Variants in NPHP1 observed in about 807,000 individuals in gnomAD.
NPHP1 encodes the protein nephrocystin 1.
Under a neutral mutation model 90.4 loss-of-function variants are expected in NPHP1, and 70 were observed. The ratio of observed to expected loss-of-function variants is 0.77; its 90% CI spans 0.64 to 0.95. NPHP1 has a LOEUF of 0.95. NPHP1 is among the 40% of genes least tolerant of loss of function. The pLI, the probability that NPHP1 is intolerant of heterozygous loss-of-function variation, is 0.00. For missense variants in NPHP1, 764 were observed against 795.9 expected (o/e 0.96, Z 0.48); for synonymous variants, 256 against 271.7 (o/e 0.94, Z 0.57).
At chr2:110,136,205 C>G (rs1051927499) in intron 16 of NPHP1, among the ~76,000 whole-genome samples, 1 of 152,110 alleles carries the variant, frequency 6.6e-6, no homozygotes, top group Non-Finnish European at 1.5e-5. Context: ...GACAAACGCA[C>G]AGCCAATATC....
intron 2 of NPHP1, among the ~76,000 whole-genome samples, chr2:110,186,568 C>T (rs1054986749): frequency 1.1e-4 from 17 of 152,232 alleles, no homozygotes; most frequent in Middle Eastern, 3.4e-3. Flanking sequence ...CTGTCTTCAC[C>T]GGCACCCTCA....
At chr2:110,153,582 T>C (rs1314931276) in intron 11 of NPHP1, among the ~76,000 whole-genome samples, 1 of 152,148 alleles carries the variant, frequency 6.6e-6, no homozygotes, top group African/African-American at 2.4e-5. Context: ...TAGACTGTGG[T>C]AAGCTATGCA....
chr2:110,192,829 C>T (rs949315770), intron 2 of NPHP1, among the ~76,000 whole-genome samples: 2 of 152,158 alleles, frequency 1.3e-5, no homozygotes, highest in African/African-American at 4.8e-5. Flanking sequence ...CTCTACAAGC[C>T]AGAAGAGAAT....
intron 14 of NPHP1, 37 bp from the exon 15 acceptor site, chr2:110,144,606 G>T (rs772102769): frequency 7.8e-7 from 1 of 1,289,652 alleles, no homozygotes; most frequent in Non-Finnish European, 1.1e-6. Flanking sequence ...GATATAAGCT[G>T]TGGGCATGTA....
At chr2:110,179,574 A>G (rs1683743259) in intron 3 of NPHP1, 50 bp downstream of exon 3, 1 of 889,306 alleles carries the variant, frequency 1.1e-6, no homozygotes, top group Non-Finnish European at 1.9e-6. Flanking sequence ...TAATAAAAAT[A>G]CTTGTATAGG....
chr2:110,200,773 C>G (rs1408762268), intron 2 of NPHP1, among the ~76,000 whole-genome samples: 1 of 152,070 alleles, frequency 6.6e-6, no homozygotes, highest in Non-Finnish European at 1.5e-5. Context: ...AAATTAAATT[C>G]ATTTGACATT....
intron 16 of NPHP1, among the ~76,000 whole-genome samples, chr2:110,139,159 A>G (rs1680443532): frequency 6.6e-6 from 1 of 151,868 alleles, no homozygotes; most frequent in Non-Finnish European, 1.5e-5. Flanking sequence ...AGGAGAAAAA[A>G]GATGGAATGC....
chr2:110,161,116 T>C (rs1313480588), intron 10 of NPHP1, among the ~76,000 whole-genome samples: 1 of 152,096 alleles, frequency 6.6e-6, no homozygotes, highest in African/African-American at 2.4e-5. Context: ...CAGTGAGCCA[T>C]GATCACACCA....
chr2:110,145,261 GAGGC>G (rs1239662971), intron 14 of NPHP1, among the ~76,000 whole-genome samples: 3 of 152,250 alleles, frequency 2.0e-5, no homozygotes, highest in African/African-American at 7.2e-5. Flanking sequence ...CTGCTCCTCA[GAGGC>G]AACTTCTGGG....
At chr2:110,156,599 C>G (rs1421109700) in intron 11 of NPHP1, among the ~76,000 whole-genome samples, 1 of 152,086 alleles carries the variant, frequency 6.6e-6, no homozygotes, top group Non-Finnish European at 1.5e-5. Context: ...CTGCCTGCTT[C>G]TGAATGCTCT....
At chr2:110,125,234 A>C in intron 19 of NPHP1, 2 of 1,535,748 alleles carry the variant, frequency 1.3e-6, no homozygotes, top group Non-Finnish European at 1.7e-6. Flanking sequence ...TTTTATAGCA[A>C]GGTAAGCAGG....
At chr2:110,193,078 C>A (rs572567556) in intron 2 of NPHP1, among the ~76,000 whole-genome samples, 8 of 152,252 alleles carry the variant, frequency 5.3e-5, no homozygotes, top group African/African-American at 1.9e-4. Flanking sequence ...ACCATCGAGG[C>A]TAGGAAGAAA....
chr2:110,182,800 C>A (rs1288557285), intron 2 of NPHP1, among the ~76,000 whole-genome samples: 3 of 152,046 alleles, frequency 2.0e-5, no homozygotes, highest in African/African-American at 7.2e-5. Context: ...ACAATACTAA[C>A]CTTAAATGTA....
chr2:110,126,724 T>C (rs1462024823), intron 18 of NPHP1: 1 of 152,646 alleles, frequency 6.6e-6, no homozygotes, highest in Non-Finnish European at 1.5e-5. Flanking sequence ...ATGCTGTACA[T>C]TTTAAATTTT....
intron 16 of NPHP1, among the ~76,000 whole-genome samples, chr2:110,132,815 A>G (rs1015519537): frequency 6.6e-6 from 1 of 152,192 alleles, no homozygotes; most frequent in Non-Finnish European, 1.5e-5. Context: ...TGCAATACCA[A>G]GTTAAGTTGG....
At chr2:110,126,407 A>G (rs905950004) in intron 18 of NPHP1, 2 of 152,620 alleles carry the variant, frequency 1.3e-5, no homozygotes, top group Admixed American at 6.5e-5. Context: ...TGGGATGAAC[A>G]TAACATATGG....
intron 19 of NPHP1, 91 bp downstream of exon 19, chr2:110,125,546 T>C: frequency 7.7e-7 from 1 of 1,297,936 alleles, no homozygotes; most frequent in Non-Finnish European, 1.1e-6. Context: ...TGACTATGGC[T>C]ACTTTTGCTA....
At chr2:110,152,618 G>C (rs1172270068) in intron 11 of NPHP1, among the ~76,000 whole-genome samples, 1 of 113,812 alleles carries the variant, frequency 8.8e-6, no homozygotes, top group Non-Finnish European at 1.8e-5. Context: ...AAAAAAAAAA[G>C]GTTGCCCCTG....
At chr2:110,140,890 T>C (rs7608206) in intron 16 of NPHP1, among the ~76,000 whole-genome samples, 3,105 of 152,280 alleles carry the variant, frequency 0.02, 100 homozygotes, top group African/African-American at 0.071. Flanking sequence ...AATTATAAAA[T>C]AAATTTCAGT....
Sources: gnomAD v4.1 joint callset for allele counts (sites outside exome capture counted in the v4.1 genomes callset) on GRCh38, gnomAD v4.1.1 for gene constraint, MANE v1.5 for transcripts, NCBI Gene and HGNC (gene_info 2026-07-23, HGNC 2026-07-21) for gene names.